The following SPECC1 variants were observed in gnomAD, a reference collection of about 807,000 sequenced individuals.
The protein encoded by SPECC1 is cytospin-B.
A neutral mutation model predicts 104.1 loss-of-function variants in SPECC1; 62 were observed. The ratio of observed to expected loss-of-function variants is 0.60; its 90% CI spans 0.49 to 0.74. The LOEUF (loss-of-function observed/expected upper bound fraction) is 0.74. SPECC1 is among the 30% of genes least tolerant of loss of function. The probability of loss-of-function intolerance (pLI) is 0.00; values close to 1 mark genes in which losing one functional copy is unlikely to be tolerated. For missense variants in SPECC1, 1,306 were observed against 1,310.5 expected (o/e 1.00, Z 0.05); for synonymous variants, 513 against 501.6 (o/e 1.02, Z -0.30).
intron 13 of SPECC1, among the ~76,000 whole-genome samples, chr17:20,302,611 G>C (rs1293035729): frequency 2.0e-5 from 3 of 151,486 alleles, no homozygotes; most frequent in African/African-American, 7.3e-5. Flanking sequence ...TACTATTTCA[G>C]GGTATTTTGA....
At chr17:20,171,433 C>T (rs552720212) in intron 3 of SPECC1, among the ~76,000 whole-genome samples, 13 of 152,320 alleles carry the variant, frequency 8.5e-5, no homozygotes, top group African/African-American at 2.6e-4. Context: ...ATTAAAATGA[C>T]TTCTTCTGTA....
In SPECC1 at chr17:20,205,029, A is replaced by G. The variant is rs757971335; in HGVS notation, c.980A>G (p.Asp327Gly). 1 of 1,614,120 alleles carries G rather than the reference A, an allele frequency of 6.2e-7. No homozygotes were observed. Among genetic ancestry groups the G allele is most frequent in the Non-Finnish European group, 8.5e-7 (1 of 1,180,010 alleles). ...SDVTKASLSP[D>G]ASDFEHITAE... ...GTTACCAAAGCTTCTTTGTCGCCAG[A>G]TGCTTCCGACTTTGAGCACATTACA... Residue 327 changes from aspartate (D) to glycine (G), a missense_variant, in exon 4 of 15, where the codon GAT becomes GGT. By Grantham distance (94) the Asp-to-Gly change is moderately conservative (BLOSUM62 -1). Coordinates refer to ENST00000395527, the MANE Select transcript of SPECC1 (RefSeq NM_001243439.2).
At chr17:20,037,966 T>C (rs2045158999) in intron 1 of SPECC1, among the ~76,000 whole-genome samples, 1 of 152,170 alleles carries the variant, frequency 6.6e-6, no homozygotes, top group South Asian at 2.1e-4. Context: ...ATCCCAATTA[T>C]CTATTTCATA....
chr17:20,303,101 T>C (rs2041646387), intron 13 of SPECC1, among the ~76,000 whole-genome samples: 2 of 152,002 alleles, frequency 1.3e-5, no homozygotes, highest in South Asian at 4.1e-4. Context: ...GAGCCAAAAA[T>C]TGGGGTAACG....
chr17:20,315,393 GC>G lies in SPECC1; in HGVS notation c.*1331del, dbSNP rs2042027182. On this transcript the variant is annotated 3_prime_UTR_variant, in exon 15 of 15. Transcript: ENST00000395527. The stretch of plus-strand genomic sequence containing the variant: ...CAGTCCCTCAGAAGTGCTCAGTCCG[GC>G]CCGAGTGCCCATCTGGTGGCTCTGC... 1 of 232,756 alleles carries G rather than the reference GC, an allele frequency of 4.3e-6. No homozygotes were observed. Among genetic ancestry groups the G allele is most frequent in the Admixed American group, 5.6e-5 (1 of 17,766 alleles). The allele number at this position is 232,756 out of a possible 1,614,324, so 14.4% of individuals were successfully genotyped here. A position where few individuals can be genotyped will look rare whatever the true frequency, so the allele number is the denominator to read the frequency against.
At chr17:20,158,947 A>ATTTTGT (rs1281921949) in intron 3 of SPECC1, among the ~76,000 whole-genome samples, 1 of 143,556 alleles carries the variant, frequency 7.0e-6, no homozygotes, top group Non-Finnish European at 1.5e-5. Context: ...TAGAGATGGG[A>ATTTTGT]TTTTGTTTTT....
At chr17:20,225,220 G>A (rs946852327) in intron 4 of SPECC1, among the ~76,000 whole-genome samples, 3 of 152,206 alleles carry the variant, frequency 2.0e-5, no homozygotes, top group Admixed American at 2.0e-4. Context: ...GAGCTGTGCT[G>A]CCTGGGGTTG....
intron 3 of SPECC1, among the ~76,000 whole-genome samples, chr17:20,184,064 C>G (rs1445289584): frequency 6.6e-6 from 1 of 151,100 alleles, no homozygotes; most frequent in East Asian, 1.9e-4. Flanking sequence ...GCCTATCGTC[C>G]CAGCTACTCG....
chr17:20,191,027 TTAAC>T (rs1277847748), intron 3 of SPECC1, among the ~76,000 whole-genome samples: 1 of 152,226 alleles, frequency 6.6e-6, no homozygotes, highest in Non-Finnish European at 1.5e-5. Flanking sequence ...GACTGCTTCT[TTAAC>T]TTAGTAAATG....
chr17:20,080,145 C>T (rs1017095905), intron 1 of SPECC1, among the ~76,000 whole-genome samples: 2 of 152,104 alleles, frequency 1.3e-5, no homozygotes, highest in African/African-American at 4.8e-5. Context: ...TGAAATGATG[C>T]TAAATTTAAA....
rs1269162842 is a variant in SPECC1, at chr17:20,311,373, ATTTTTTTTTTGT to A, written c.3118-2598_3118-2587del. On this transcript the variant is annotated intron_variant, in intron 14 of 14. Transcript: ENST00000395527. ...TAGCACTAGCTAGAACTTCCAGTAC[ATTTTTTTTTTGT>A]TTTTGTTTTTGTTTTTGTTTTTGAG... Among the ~76,000 whole-genome samples the A allele has an allele frequency of 3.2e-4, 47 of 146,392 alleles. No individual in the cohort carries two copies. The East Asian group carries it at 9.1e-3, about 28-fold the overall frequency.
chr17:20,292,185 TC>T (rs1046101505), intron 12 of SPECC1, among the ~76,000 whole-genome samples: 2 of 151,960 alleles, frequency 1.3e-5, no homozygotes, highest in Non-Finnish European at 2.9e-5. Context: ...TCTCTGCCCT[TC>T]CCAAGAGGAA....
chr17:20,148,198 T>C (rs915164599), intron 3 of SPECC1, among the ~76,000 whole-genome samples: 2 of 152,238 alleles, frequency 1.3e-5, no homozygotes, highest in Admixed American at 1.3e-4. Context: ...TCAAGGAATC[T>C]TCCTAGAAAC....
intron 13 of SPECC1, among the ~76,000 whole-genome samples, chr17:20,304,751 T>C (rs995870373): frequency 6.6e-6 from 1 of 151,926 alleles, no homozygotes; most frequent in African/African-American, 2.4e-5. Flanking sequence ...TTTCATAGAA[T>C]GATGAGATGA....
intron 1 of SPECC1, among the ~76,000 whole-genome samples, chr17:20,085,572 G>A (rs920450066): frequency 1.1e-4 from 17 of 152,196 alleles, no homozygotes; most frequent in African/African-American, 3.1e-4. Flanking sequence ...TGATGCTGAC[G>A]AAGGATAGGG....
chr17:20,091,264 G>C (rs947185399), intron 1 of SPECC1, among the ~76,000 whole-genome samples: 15 of 152,122 alleles, frequency 9.9e-5, no homozygotes, highest in Non-Finnish European at 1.6e-4. Context: ...AGCATTTCCT[G>C]TGGCCATTTG....
At chr17:20,078,749 C>T (rs527527145) in intron 1 of SPECC1, among the ~76,000 whole-genome samples, 10 of 152,072 alleles carry the variant, frequency 6.6e-5, no homozygotes, top group Middle Eastern at 3.4e-3. Context: ...AAAATATAAG[C>T]TATATATTTT....
At chr17:20,271,495 C>G (rs556654413) in intron 12 of SPECC1, among the ~76,000 whole-genome samples, 3 of 152,204 alleles carry the variant, frequency 2.0e-5, no homozygotes, top group African/African-American at 7.2e-5. Context: ...TGTTACTTGC[C>G]TTACACTTAA....
At chr17:20,150,283 T>C (rs939999890) in intron 3 of SPECC1, among the ~76,000 whole-genome samples, 2 of 151,206 alleles carry the variant, frequency 1.3e-5, no homozygotes, top group Non-Finnish European at 2.9e-5. Flanking sequence ...GTGCCCGGCC[T>C]TTTTTCTTTT....
Sources: gnomAD v4.1 joint callset for allele counts (sites outside exome capture counted in the v4.1 genomes callset) on GRCh38, gnomAD v4.1.1 for gene constraint, MANE v1.5 for transcripts, NCBI Gene and HGNC (gene_info 2026-07-23, HGNC 2026-07-21) for gene names.